HIKESHI: variants seen among roughly 807,000 people sequenced by gnomAD.
HIKESHI encodes the protein heat shock protein nuclear import factor hikeshi.
Under a neutral mutation model 25.7 loss-of-function variants are expected in HIKESHI, and 13 were observed. The ratio of observed to expected loss-of-function variants is 0.51; its 90% confidence interval spans 0.33 to 0.80. The LOEUF is 0.80. Ranked by LOEUF, HIKESHI falls within the 30% of genes least tolerant of loss-of-function variation. The pLI is 0.02. For synonymous variants in HIKESHI, 76 were observed against 78.7 expected, an observed-to-expected ratio of 0.97 and a Z score of 0.18; for missense variants, 174 against 229.5, an observed-to-expected ratio of 0.76 and a Z score of 1.56.
intron 2 of HIKESHI, among the ~76,000 whole-genome samples, chr11:86,336,788 A>G (rs1024760610): frequency 6.6e-6 from 1 of 152,226 alleles, no homozygotes; most frequent in Admixed American, 6.5e-5. Flanking sequence ...ACGATAATCA[A>G]ACTGTCAAAA....
At chr11:86,313,923 T>G (rs1946902355) in intron 2 of HIKESHI, among the ~76,000 whole-genome samples, 1 of 152,152 alleles carries the variant, frequency 6.6e-6, no homozygotes, top group South Asian at 2.1e-4. Context: ...AAGGTGAAAG[T>G]TCGAAAGCAT....
At position 86,344,650 on chromosome 11, in the gene HIKESHI, T is replaced by C. The variant is rs1201394574; in HGVS notation, c.468T>C (p.Phe156=). The C allele has an allele frequency of 6.2e-7, 1 of 1,611,184 alleles. No homozygotes were observed. Among genetic ancestry groups the C allele is most frequent in the South Asian group, 1.1e-5 (1 of 90,584 alleles). Residue 156 remains phenylalanine, a synonymous_variant, in exon 4 of 5, where the codon TTT becomes TTC. Coordinates refer to ENST00000278483, the MANE Select transcript of HIKESHI (RefSeq NM_016401.4). ...LDNFYNFASS[F]AVSQAQMTPS... ...ATTTCTACAATTTTGCTTCATCATT[T>C]GCTGTCTCTCAGGCCCAGATGACAC...
At chr11:86,339,107 G>A (rs111806405) in intron 3 of HIKESHI, among the ~76,000 whole-genome samples, 1 of 152,066 alleles carries the variant, frequency 6.6e-6, no homozygotes, top group African/African-American at 2.4e-5. Flanking sequence ...GTGCAGTGGC[G>A]CGATCTCGGC....
At chr11:86,318,460 T>A (rs2138339626) in intron 2 of HIKESHI, among the ~76,000 whole-genome samples, 1 of 152,084 alleles carries the variant, frequency 6.6e-6, no homozygotes, top group Non-Finnish European at 1.5e-5. Context: ...TTGTTCATAT[T>A]TTCTATAATT....
intron 3 of HIKESHI, among the ~76,000 whole-genome samples, chr11:86,339,338 G>T (rs891841262): frequency 6.6e-6 from 1 of 152,162 alleles, no homozygotes; most frequent in East Asian, 1.9e-4. Flanking sequence ...GTGAGCCACC[G>T]CGCCCAGCCT....
chr11:86,306,841 T>TA (rs985694967), intron 2 of HIKESHI, among the ~76,000 whole-genome samples: 7 of 148,980 alleles, frequency 4.7e-5, no homozygotes, highest in Non-Finnish European at 4.5e-5. Context: ...CACTAAAAAA[T>TA]AAAAAAAAAT....
At chr11:86,308,559 T>TTTTATTTATTTATTTAATTTATTTATTTA (rs138719804) in intron 2 of HIKESHI, among the ~76,000 whole-genome samples, 22 of 142,560 alleles carry the variant, frequency 1.5e-4, no homozygotes, top group African/African-American at 4.7e-4. Flanking sequence ...CCATAATTCT[T>TTTTATTTATTTATTTAATTTATTTATTTA]TTTATTTATT....
intron 2 of HIKESHI, among the ~76,000 whole-genome samples, chr11:86,333,113 C>T (rs995045300): frequency 2.0e-5 from 3 of 152,186 alleles, no homozygotes; most frequent in African/African-American, 7.2e-5. Flanking sequence ...GTAAATTCTA[C>T]ACTGATGACG....
intron 2 of HIKESHI, among the ~76,000 whole-genome samples, chr11:86,327,416 A>G (rs1212018412): frequency 7.9e-5 from 12 of 151,460 alleles, no homozygotes; most frequent in Non-Finnish European, 7.4e-5. Flanking sequence ...CCGGGTTCAC[A>G]CCATTCTCCT....
intron 2 of HIKESHI, among the ~76,000 whole-genome samples, chr11:86,317,793 A>G (rs535863675): frequency 6.6e-5 from 10 of 152,310 alleles, no homozygotes; most frequent in African/African-American, 2.2e-4. Context: ...CGATAGAAAA[A>G]AAACAAAAAC....
chr11:86,302,830 T>C (rs1211572882), intron 1 of HIKESHI, among the ~76,000 whole-genome samples: 1 of 152,216 alleles, frequency 6.6e-6, no homozygotes, highest in Non-Finnish European at 1.5e-5. Flanking sequence ...TCTTTGACAT[T>C]TTGCAGTTAC....
chr11:86,337,316 C>G (rs1947591011), intron 2 of HIKESHI, 63 bp from the exon 3 acceptor site: 2 of 1,458,704 alleles, frequency 1.4e-6, no homozygotes, highest in African/African-American at 2.9e-5. Flanking sequence ...TATAAATTTA[C>G]AAAGGAAATT....
At chr11:86,342,500 TGTGTGTGTGTGTGTGTG>T (rs1236840241) in intron 3 of HIKESHI, among the ~76,000 whole-genome samples, 1 of 148,342 alleles carries the variant, frequency 6.7e-6, no homozygotes, top group African/African-American at 2.5e-5. Flanking sequence ...TGTGTGTGTG[TGTGTGTGTGTGTGTGTG>T]TGTGTAGACT....
chr11:86,322,977 C>T lies in HIKESHI; in HGVS notation c.269-14402C>T, dbSNP rs576267305. Among the ~76,000 whole-genome samples the T allele has an allele frequency of 3.9e-5, 6 of 152,236 alleles. No homozygotes were observed. The South Asian group carries it at 1.2e-3, about 32-fold the overall frequency. ...GGCACGGTAGCTCATGCCTATAATC[C>T]TGGCACTTAGGGAGGCCGGGGCAGG... On this transcript the variant is annotated intron_variant, in intron 2 of 4. Coordinates refer to ENST00000278483, the MANE Select transcript of HIKESHI (RefSeq NM_016401.4).
chr11:86,330,880 C>G (rs934891058), intron 2 of HIKESHI, among the ~76,000 whole-genome samples: 1 of 152,170 alleles, frequency 6.6e-6, no homozygotes, highest in Admixed American at 6.6e-5. Flanking sequence ...AGACAGTCAA[C>G]TGAATATTGG....
At chr11:86,318,971 C>T (rs1466881708) in intron 2 of HIKESHI, among the ~76,000 whole-genome samples, 1 of 152,098 alleles carries the variant, frequency 6.6e-6, no homozygotes, top group Admixed American at 6.5e-5. Flanking sequence ...GGCTGGAGTG[C>T]AATGTCCACA....
At chr11:86,321,969 G>T (rs553585089) in intron 2 of HIKESHI, among the ~76,000 whole-genome samples, 1 of 151,636 alleles carries the variant, frequency 6.6e-6, no homozygotes, top group Admixed American at 6.6e-5. Context: ...TTTTTCTAAT[G>T]ACCAGTGATA....
At chr11:86,305,025 G>C (rs1657549859) in intron 1 of HIKESHI, among the ~76,000 whole-genome samples, 2 of 152,008 alleles carry the variant, frequency 1.3e-5, no homozygotes, top group South Asian at 4.2e-4. Flanking sequence ...TTTGAGACAG[G>C]GTCATGCTCT....
intron 1 of HIKESHI, among the ~76,000 whole-genome samples, chr11:86,305,101 G>C (rs1206494308): frequency 2.0e-5 from 3 of 152,236 alleles, no homozygotes; most frequent in Non-Finnish European, 4.4e-5. Context: ...CTGGGTTCAA[G>C]TGATTATCTG....
Sources: gnomAD v4.1 joint callset for allele counts (sites outside exome capture counted in the v4.1 genomes callset) on GRCh38, gnomAD v4.1.1 for gene constraint, MANE v1.5 for transcripts, NCBI Gene and HGNC (gene_info 2026-07-23, HGNC 2026-07-21) for gene names.